The following SMCO2 variants were observed in gnomAD, a reference collection of about 807,000 sequenced individuals.
SMCO2 encodes the protein single-pass membrane and coiled-coil domain-containing protein 2.
Under a neutral mutation model 29.5 loss-of-function variants are expected in SMCO2, and 25 were observed. That is an observed-to-expected ratio of 0.85 (90% CI 0.62 to 1.18). The LOEUF (loss-of-function observed/expected upper bound fraction) is 1.18, where lower values mean the gene tolerates loss of function less well. Among genes scored for constraint, SMCO2 ranks in the 50% most tolerant of loss-of-function variants. The pLI, the probability that SMCO2 is intolerant of heterozygous loss-of-function variation, is 0.00. For missense variants in SMCO2, 348 were observed against 344.5 expected, an observed-to-expected ratio of 1.01 and a Z score of -0.08; for synonymous variants, 117 against 123.3, an observed-to-expected ratio of 0.95 and a Z score of 0.34.
intron 4 of SMCO2, among the ~76,000 whole-genome samples, chr12:27,480,144 G>A (rs1191297563): frequency 6.6e-6 from 1 of 152,354 alleles, no homozygotes; most frequent in East Asian, 1.9e-4. Context: ...AGGAGAGGAA[G>A]CAAGTGTCCA....
chr12:27,426,946 A>G, the SMCO2 span, among the ~76,000 whole-genome samples: 1 of 152,194 alleles, frequency 6.6e-6, no homozygotes, highest in Non-Finnish European at 1.5e-5. Flanking sequence ...CATTTGTTTC[A>G]ATGACAATTT....
chr12:27,428,275 A>G, the SMCO2 span, among the ~76,000 whole-genome samples: 1 of 152,328 alleles, frequency 6.6e-6, no homozygotes, highest in Admixed American at 6.5e-5. Context: ...TTTCAAAGTT[A>G]AACTATAAAC....
the SMCO2 span, among the ~76,000 whole-genome samples, chr12:27,429,436 A>G: frequency 6.6e-6 from 1 of 151,284 alleles, no homozygotes; most frequent in Non-Finnish European, 1.5e-5. Context: ...AGTAATGCGT[A>G]TATTGGTTAA....
the SMCO2 span, among the ~76,000 whole-genome samples, chr12:27,433,662 A>G: frequency 5.0e-3 from 761 of 152,316 alleles, 4 homozygotes; most frequent in African/African-American, 0.017. Flanking sequence ...ATATTGAAAA[A>G]CTAAGCCACA....
the SMCO2 span, among the ~76,000 whole-genome samples, chr12:27,448,578 G>C: frequency 6.6e-6 from 1 of 152,152 alleles, no homozygotes; most frequent in Admixed American, 6.5e-5. Context: ...AGACCCTTAA[G>C]CTCCTTAAGC....
the SMCO2 span, among the ~76,000 whole-genome samples, chr12:27,434,828 G>A: frequency 6.6e-6 from 1 of 152,132 alleles, no homozygotes; most frequent in Admixed American, 6.5e-5. Flanking sequence ...TCTAGAGATG[G>A]AAGGGGTGTC....
intron 5 of SMCO2, among the ~76,000 whole-genome samples, chr12:27,490,637 A>C (rs1592216458): frequency 6.6e-6 from 1 of 152,326 alleles, no homozygotes; most frequent in East Asian, 1.9e-4. Context: ...GAAGCTTTAA[A>C]TGTAATTGTT....
At chr12:27,488,946 A>T (rs1949712049) in intron 5 of SMCO2, among the ~76,000 whole-genome samples, 1 of 152,166 alleles carries the variant, frequency 6.6e-6, no homozygotes, top group African/African-American at 2.4e-5. Flanking sequence ...ATGCCCCATG[A>T]AGAGTTCTTG....
chr12:27,489,959 G>T (rs1255083376), intron 5 of SMCO2, among the ~76,000 whole-genome samples: 1 of 152,186 alleles, frequency 6.6e-6, no homozygotes, highest in Non-Finnish European at 1.5e-5. Context: ...ATGAAAGTGA[G>T]ATTTTTTTAA....
At chr12:27,464,317 C>T (rs1376523501), upstream of SMCO2, among the ~76,000 whole-genome samples, 1 of 152,144 alleles carries the variant, frequency 6.6e-6, no homozygotes, top group Non-Finnish European at 1.5e-5. Context: ...TCACCGCCCA[C>T]AGAGGGAGCT....
At chr12:27,491,789 C>T (rs568156833) in intron 5 of SMCO2, among the ~76,000 whole-genome samples, 125 of 151,826 alleles carry the variant, frequency 8.2e-4, no homozygotes, top group African/African-American at 2.8e-3. Flanking sequence ...CTGCAACCTC[C>T]GCCTCCTGGG....
At chr12:27,466,391 G>A (rs142037713), upstream of SMCO2, among the ~76,000 whole-genome samples, 710 of 152,290 alleles carry the variant, frequency 4.7e-3, 5 homozygotes, top group Middle Eastern at 0.031. Context: ...CAGCCTGGGC[G>A]ACAGAGCGAG....
intron 4 of SMCO2, among the ~76,000 whole-genome samples, chr12:27,476,412 T>G (rs1002378757): frequency 6.6e-6 from 1 of 152,324 alleles, no homozygotes; most frequent in Admixed American, 6.5e-5. Flanking sequence ...AATGTTCCTT[T>G]GTTAATTTTT....
At chr12:27,437,177 G>A in the SMCO2 span, among the ~76,000 whole-genome samples, 4 of 152,104 alleles carry the variant, frequency 2.6e-5, no homozygotes, top group African/African-American at 4.8e-5. Context: ...AGGCTGAGGC[G>A]GGAGGATCAC....
At chr12:27,430,890 G>T in the SMCO2 span, among the ~76,000 whole-genome samples, 1 of 152,074 alleles carries the variant, frequency 6.6e-6, no homozygotes, top group African/African-American at 2.4e-5. Context: ...GCAGCTCGAT[G>T]CATGCTCTCA....
At chr12:27,470,499 A>AG (rs1949532087) in intron 1 of SMCO2, 123 bp from the exon 2 acceptor site, 1 of 654,412 alleles carries the variant, frequency 1.5e-6, no homozygotes, top group Non-Finnish European at 2.2e-6. Flanking sequence ...ATGAACAGCC[A>AG]GTTGAAAGGG....
chr12:27,461,105 T>A, the SMCO2 span, among the ~76,000 whole-genome samples: 1 of 152,234 alleles, frequency 6.6e-6, no homozygotes, highest in African/African-American at 2.4e-5. Flanking sequence ...TATTTGCATA[T>A]AACCTATGCA....
In SMCO2 at chr12:27,470,521, G is replaced by A. The variant is rs1376214726; in HGVS notation, c.-10-101G>A. 4 of 1,340,830 alleles carry A rather than the reference G, an allele frequency of 3.0e-6. No individual in the cohort carries two copies. In the Admixed American group the frequency reaches 9.8e-5, roughly 33 times the overall value. 83.1% of individuals were successfully genotyped at this position (1,340,830 alleles called of 1,614,324 possible). A position where few individuals can be genotyped will look rare whatever the true frequency, so the allele number is the denominator to read the frequency against. On this transcript the variant is annotated intron_variant, in intron 1 of 7. Coordinates refer to ENST00000298876, the Ensembl canonical transcript of SMCO2. ...GCCAGTTGAAAGGGGAGGAATTAAAGCCAAATGCCCTGAGGAAGAAGTTAG... is the reference window on the plus strand; with the variant it reads ...GCCAGTTGAAAGGGGAGGAATTAAAACCAAATGCCCTGAGGAAGAAGTTAG...
chr12:27,462,208 C>T (rs921850054), upstream of SMCO2, among the ~76,000 whole-genome samples: 4 of 152,144 alleles, frequency 2.6e-5, no homozygotes, highest in African/African-American at 9.7e-5. Flanking sequence ...GTTCATTCGA[C>T]GTGCTAACAA....
Sources: allele counts gnomAD v4.1 joint callset (sites outside exome capture counted in the v4.1 genomes callset), GRCh38; gene constraint gnomAD v4.1.1; transcripts MANE v1.5; gene names NCBI Gene and HGNC (gene_info 2026-07-23, HGNC 2026-07-21).